PDE1C: variants seen among roughly 807,000 people sequenced by gnomAD.
The protein encoded by PDE1C is phosphodiesterase 1C.
In PDE1C, 62 loss-of-function variants were observed where a neutral mutation model predicts 93.1. The observed-to-expected ratio is 0.67, with a 90% CI of 0.54 to 0.82. The LOEUF is 0.82. PDE1C is among the 40% of genes least tolerant of loss of function. The pLI is 0.00. For synonymous variants in PDE1C, 325 were observed against 310.1 expected (o/e 1.05, Z -0.50); for missense variants, 742 against 884.6 (o/e 0.84, Z 2.04).
chr7:31,989,133 A>G (rs1783841557), intron 2 of PDE1C, among the ~76,000 whole-genome samples: 2 of 152,210 alleles, frequency 1.3e-5, no homozygotes, highest in South Asian at 4.2e-4. Flanking sequence ...AGGAAAAGAA[A>G]AGAAAGAAGA....
intron 1 of PDE1C, among the ~76,000 whole-genome samples, chr7:32,234,733 A>G (rs1807948232): frequency 6.6e-6 from 1 of 152,032 alleles, no homozygotes; most frequent in African/African-American, 2.4e-5. Flanking sequence ...TTCTTCCAGG[A>G]AACAGAAGAG....
Position 31,752,731 on chromosome 7 carries a change from T to C in PDE1C, c.*653A>G, listed in dbSNP as rs1035217049. 2 of 152,128 alleles carry C rather than the reference T, an allele frequency of 1.3e-5. No individual in the cohort carries two copies. Among genetic ancestry groups the C allele is most frequent in the Non-Finnish European group, 2.9e-5 (2 of 68,020 alleles). The allele number at this position is 152,128 out of a possible 1,614,324, so 9.4% of individuals were successfully genotyped here. A position where few individuals can be genotyped will look rare whatever the true frequency, so the allele number is the denominator to read the frequency against. On this transcript the variant is annotated 3_prime_UTR_variant, in exon 18 of 18. Coordinates refer to ENST00000396191, the MANE Select transcript of PDE1C (RefSeq NM_001191057.4). ...GGTTATTGGGCATGAGGCACAATCT[T>C]CATGAGGCACAAAAATCTTTTTTTG...
At chr7:31,938,159 T>C (rs990465248) in intron 2 of PDE1C, among the ~76,000 whole-genome samples, 2 of 151,932 alleles carry the variant, frequency 1.3e-5, no homozygotes, top group Non-Finnish European at 1.5e-5. Context: ...TAGGGCCTAC[T>C]GTAGGAATTG....
chr7:31,791,671 TAACA>T (rs1052372451), intron 16 of PDE1C, among the ~76,000 whole-genome samples: 9 of 152,216 alleles, frequency 5.9e-5, no homozygotes, highest in African/African-American at 2.2e-4. Context: ...GATTTTTTAA[TAACA>T]GACCCATTGG....
intron 16 of PDE1C, among the ~76,000 whole-genome samples, chr7:31,796,752 G>A (rs188994368): frequency 7.8e-4 from 119 of 151,680 alleles, no homozygotes; most frequent in African/African-American, 2.8e-3. Flanking sequence ...AATTACGTTG[G>A]GTTTAAGCAT....
chr7:31,835,878 T>C (rs914838081), intron 11 of PDE1C, among the ~76,000 whole-genome samples: 16 of 152,118 alleles, frequency 1.1e-4, no homozygotes, highest in Non-Finnish European at 1.8e-4. Flanking sequence ...CCTTCTACAA[T>C]TTCTGCATTC....
At chr7:32,395,425 G>A (rs992246690) in intron 1 of PDE1C, among the ~76,000 whole-genome samples, 3 of 152,076 alleles carry the variant, frequency 2.0e-5, no homozygotes, top group Admixed American at 2.0e-4. Flanking sequence ...GAGGCACAAA[G>A]GCATAAAAAG....
intron 3 of PDE1C, among the ~76,000 whole-genome samples, chr7:32,097,157 C>A (rs1048832546): frequency 6.6e-6 from 1 of 152,136 alleles, no homozygotes; most frequent in Non-Finnish European, 1.5e-5. Flanking sequence ...TGAGACCTAC[C>A]TGCATGAGGG....
At chr7:31,823,280 G>A in intron 13 of PDE1C, 32 bp from the exon 14 acceptor site, 2 of 1,578,356 alleles carry the variant, frequency 1.3e-6, no homozygotes, top group Non-Finnish European at 1.7e-6. Context: ...CCAAAGAAGA[G>A]AGTTAGTGTT....
chr7:31,695,085 G>A, the PDE1C span, among the ~76,000 whole-genome samples: 1 of 152,148 alleles, frequency 6.6e-6, no homozygotes, highest in African/African-American at 2.4e-5. Flanking sequence ...GGCCCTTGGG[G>A]TCTCCAAAGA....
the PDE1C span, among the ~76,000 whole-genome samples, chr7:31,690,582 G>T: frequency 7.9e-5 from 12 of 152,258 alleles, no homozygotes; most frequent in East Asian, 1.4e-3. Context: ...GAAGTCATAT[G>T]GCTTTTTAGT....
intron 2 of PDE1C, among the ~76,000 whole-genome samples, chr7:31,995,135 C>G (rs1251329482): frequency 6.6e-6 from 1 of 152,196 alleles, no homozygotes; most frequent in Admixed American, 6.5e-5. Flanking sequence ...GACATTTCTT[C>G]TCTTCCATAT....
At chr7:32,414,312 C>A (rs1018242757) in intron 1 of PDE1C, among the ~76,000 whole-genome samples, 1 of 151,246 alleles carries the variant, frequency 6.6e-6, no homozygotes, top group Non-Finnish European at 1.5e-5. Context: ...AGATGTATAA[C>A]TATATTTATA....
chr7:31,897,123 T>C (rs903625418), intron 2 of PDE1C, among the ~76,000 whole-genome samples: 1 of 152,208 alleles, frequency 6.6e-6, no homozygotes, highest in Non-Finnish European at 1.5e-5. Context: ...CAAGGTCTTG[T>C]ATTTTTCTTG....
the PDE1C span, among the ~76,000 whole-genome samples, chr7:31,677,748 C>A: frequency 6.6e-6 from 1 of 152,132 alleles, no homozygotes; most frequent in Non-Finnish European, 1.5e-5. Flanking sequence ...CCAGCTATGG[C>A]ATTTCCTCAG....
intron 11 of PDE1C, among the ~76,000 whole-genome samples, chr7:31,830,941 T>A (rs893620473): frequency 1.3e-5 from 2 of 152,198 alleles, no homozygotes; most frequent in African/African-American, 4.8e-5. Flanking sequence ...TCTGTTTATG[T>A]GTGTTGTTAT....
At chr7:31,948,008 GA>G (rs1806846899) in intron 2 of PDE1C, among the ~76,000 whole-genome samples, 1 of 152,130 alleles carries the variant, frequency 6.6e-6, no homozygotes, top group Admixed American at 6.6e-5. Context: ...AACAAATTTC[GA>G]AAGACTAAAC....
chr7:31,819,475 C>T (rs1016792783), intron 14 of PDE1C, among the ~76,000 whole-genome samples: 7 of 152,064 alleles, frequency 4.6e-5, no homozygotes, highest in Non-Finnish European at 8.8e-5. Context: ...ATTCACTTTT[C>T]AGGTCTTAGA....
At chr7:32,019,587 C>T (rs2128608987) in intron 2 of PDE1C, among the ~76,000 whole-genome samples, 1 of 152,164 alleles carries the variant, frequency 6.6e-6, no homozygotes, top group South Asian at 2.1e-4. Flanking sequence ...GAAGGAAATA[C>T]AAATGGAAGC....
Sources: allele counts gnomAD v4.1 joint callset (sites outside exome capture counted in the v4.1 genomes callset), GRCh38; gene constraint gnomAD v4.1.1; transcripts MANE v1.5; gene names NCBI Gene and HGNC (gene_info 2026-07-23, HGNC 2026-07-21).